Variants in TMEM164 observed in about 807,000 individuals in gnomAD.
TMEM164 encodes RP13-360B22.2.
Under a neutral mutation model 18.8 loss-of-function variants are expected in TMEM164, and 4 were observed. The observed-to-expected ratio is 0.21, with a 90% CI of 0.10 to 0.49. The LOEUF (loss-of-function observed/expected upper bound fraction) is 0.49, where lower values mean the gene tolerates loss of function less well. Ranked by LOEUF, TMEM164 falls within the 20% of genes least tolerant of loss-of-function variation. The probability of loss-of-function intolerance (pLI) is 0.98; values close to 1 mark genes in which losing one functional copy is unlikely to be tolerated. For synonymous variants in TMEM164, 86 were observed against 101.7 expected (o/e 0.85, Z 0.93); for missense variants, 108 against 239.9 (o/e 0.45, Z 3.63).
Position 110,159,101 on chromosome X carries a change from A to G in TMEM164, c.587-12319A>G, listed in dbSNP as rs542112611. On this transcript the variant is annotated intron_variant, in intron 5 of 6. Transcript: ENST00000372068. ...TGGCCCTGCCTACTAATCTAATAAAATGTGGTTTGAGCAGTTTTTTAGGTT... is the reference window on the plus strand; with the variant it reads ...TGGCCCTGCCTACTAATCTAATAAAGTGTGGTTTGAGCAGTTTTTTAGGTT... Among the ~76,000 whole-genome samples, 6 of 111,933 alleles carry G rather than the reference A, an allele frequency of 5.4e-5. No homozygotes were observed. The South Asian group carries it at 1.1e-3, about 21-fold the overall frequency.
At position 110,173,465 on chromosome X, in the gene TMEM164, T is replaced by G; in HGVS notation, c.*14T>G. The G allele has an allele frequency of 8.4e-7, 1 of 1,191,152 alleles. No individual in the cohort carries two copies. The highest frequency in any genetic ancestry group is 1.1e-6 in the Non-Finnish European group (1 of 886,765). ...AAAATAGACTGAAGGTGCTTATTTTTTTTTTTTTTCCTCCCTGAGGAAGCA... is the reference window on the plus strand; with the variant it reads ...AAAATAGACTGAAGGTGCTTATTTTGTTTTTTTTTCCTCCCTGAGGAAGCA... On this transcript the variant is annotated 3_prime_UTR_variant, in exon 7 of 7. Coordinates refer to ENST00000372068, the MANE Select transcript of TMEM164 (RefSeq NM_032227.4).
rs2066673838 is a variant in TMEM164, at chrX:110,135,269, T to G, written c.508-9529T>G. Among the ~76,000 whole-genome samples, 12 of 110,658 alleles carry G rather than the reference T, an allele frequency of 1.1e-4. No homozygotes were observed. The Admixed American group carries it at 1.2e-3, about 11-fold the overall frequency. On this transcript the variant is annotated intron_variant, in intron 4 of 6. Coordinates refer to ENST00000372068, the MANE Select transcript of TMEM164 (RefSeq NM_032227.4). ...AAAAAGGATCATGCCTTATACAATA[T>G]AGACTTGCTCTATTTTACCTAGAAA...
intron 4 of TMEM164, among the ~76,000 whole-genome samples, chrX:110,144,221 C>T: frequency 8.9e-6 from 1 of 111,803 alleles, no homozygotes; most frequent in Middle Eastern, 4.6e-3. Flanking sequence ...CCTATGAGAC[C>T]TAGCAATCAT....
intron 4 of TMEM164, among the ~76,000 whole-genome samples, chrX:110,113,092 G>A (rs953949073): frequency 1.8e-4 from 20 of 111,171 alleles, no homozygotes; most frequent in African/African-American, 5.9e-4. Flanking sequence ...CAGATGTGCT[G>A]GTGTATCTGT....
rs56176099 is a variant in TMEM164, at chrX:110,014,370, A to G, written c.390+10206A>G. Among the ~76,000 whole-genome samples, 635 of 111,864 alleles carry G rather than the reference A, an allele frequency of 5.7e-3. 2 individuals are homozygous for G. Among genetic ancestry groups the G allele is most frequent in the South Asian group, 0.019 (51 of 2,704 alleles). On this transcript the variant is annotated intron_variant, in intron 2 of 6. Transcript: ENST00000372068. ...GTTCCATGAAGTTAGCACCCATGTA[A>G]TAATTTCTGCGGGACAGGGTTGTTT... is the stretch of plus-strand genomic sequence containing the variant.
chrX:110,179,442 A>C (rs751744548), downstream of TMEM164, among the ~76,000 whole-genome samples: 6 of 112,092 alleles, frequency 5.4e-5, no homozygotes, highest in African/African-American at 1.9e-4. Flanking sequence ...AGCATCTTCA[A>C]CTACATCTCC....
intron 3 of TMEM164, among the ~76,000 whole-genome samples, chrX:110,087,130 G>A (rs2065865184): frequency 8.9e-6 from 1 of 111,902 alleles, no homozygotes; most frequent in Non-Finnish European, 1.9e-5. Flanking sequence ...GATGCTTCTG[G>A]TAGTTGATCT....
At chrX:110,051,414 A>T (rs1373782497) in intron 2 of TMEM164, among the ~76,000 whole-genome samples, 1 of 110,860 alleles carries the variant, frequency 9.0e-6, no homozygotes, top group Admixed American at 9.7e-5. Context: ...GCAAAGCCAA[A>T]CAACTTGGTT....
At chrX:110,045,759 A>G (rs890508140) in intron 2 of TMEM164, among the ~76,000 whole-genome samples, 13 of 112,227 alleles carry the variant, frequency 1.2e-4, no homozygotes, top group Non-Finnish European at 1.1e-4. Flanking sequence ...TGGAGCAGTC[A>G]TGACAGTTCA....
At chrX:110,038,121 G>A (rs1454636907) in intron 2 of TMEM164, among the ~76,000 whole-genome samples, 3 of 106,081 alleles carry the variant, frequency 2.8e-5, no homozygotes, top group African/African-American at 1.0e-4. Flanking sequence ...CTCCCAAGTA[G>A]CTGGGACTAC....
At chrX:110,108,341 T>C (rs1188562809) in intron 3 of TMEM164, among the ~76,000 whole-genome samples, 1 of 111,296 alleles carries the variant, frequency 9.0e-6, no homozygotes, top group Non-Finnish European at 1.9e-5. Flanking sequence ...GGTTTGTTCC[T>C]GAGTTAATTG....
At chrX:110,147,477 C>G (rs2066874056) in intron 5 of TMEM164, among the ~76,000 whole-genome samples, 1 of 111,693 alleles carries the variant, frequency 9.0e-6, no homozygotes, top group African/African-American at 3.3e-5. Context: ...TGTCTCTTGC[C>G]TACAGCTTCC....
rs184658523 is a variant in TMEM164 at position 110,108,215 on chromosome X, G to A, written c.441-865G>A. The stretch of plus-strand genomic sequence containing the variant: ...GTTGTCCATGACCCATCAAATCAAC[G>A]TTTCTTCAAGAGGAACAGACTGTCA... On this transcript the variant is annotated intron_variant, in intron 3 of 6. Coordinates refer to ENST00000372068, the MANE Select transcript of TMEM164 (RefSeq NM_032227.4). Among the ~76,000 whole-genome samples, 86 of 107,812 alleles carry A rather than the reference G, an allele frequency of 8.0e-4. No individual in the cohort carries two copies. The East Asian group carries it at 0.016, about 20-fold the overall frequency. The allele number at this position is 107,812 out of a possible 115,157, so 93.6% of individuals were successfully genotyped here.
intron 2 of TMEM164, among the ~76,000 whole-genome samples, chrX:110,037,327 AGT>A (rs1408127363): frequency 9.0e-6 from 1 of 111,352 alleles, no homozygotes; most frequent in Non-Finnish European, 1.9e-5. Flanking sequence ...GTGATAGATG[AGT>A]GTGGTGTTGC....
chrX:110,144,794 A>G lies in TMEM164; in HGVS notation c.508-4A>G. Reference sequence around the variant, plus strand: ...AAACACTTCTCTCCCTCCTATCCTCACAGCTCCCCTTTGAATTGGAGATTT... The same window carrying G: ...AAACACTTCTCTCCCTCCTATCCTCGCAGCTCCCCTTTGAATTGGAGATTT... On this transcript the variant is annotated splice_polypyrimidine_tract_variant and splice_region_variant and intron_variant, in intron 4 of 6. Coordinates refer to ENST00000372068, the MANE Select transcript of TMEM164 (RefSeq NM_032227.4). 1 of 1,201,794 alleles carries G rather than the reference A, an allele frequency of 8.3e-7. No homozygotes were observed. Among genetic ancestry groups the G allele is most frequent in the Non-Finnish European group, 1.1e-6 (1 of 887,891 alleles).
intron 4 of TMEM164, among the ~76,000 whole-genome samples, chrX:110,124,654 G>A (rs111310914): frequency 0.012 from 1,368 of 111,877 alleles, 15 homozygotes; most frequent in Non-Finnish European, 0.02. Context: ...CTATGATGTA[G>A]TGGATAAGAA....
chrX:110,116,051 A>C (rs1018431422), intron 4 of TMEM164, among the ~76,000 whole-genome samples: 25 of 112,019 alleles, frequency 2.2e-4, no homozygotes, highest in Non-Finnish European at 3.9e-4. Context: ...TATGGCCAAC[A>C]CTACTGCACT....
chrX:110,084,377 AGTGTATATATATATAG>A (rs2065808336), intron 3 of TMEM164, among the ~76,000 whole-genome samples: 1 of 19,184 alleles, frequency 5.2e-5, no homozygotes, highest in Admixed American at 1.1e-3. Flanking sequence ...GTATATATAT[AGTGTATATATATATAG>A]TATAGTATAT....
chrX:110,016,188 G>A (rs769046245), intron 2 of TMEM164, among the ~76,000 whole-genome samples: 3 of 112,963 alleles, frequency 2.7e-5, no homozygotes, highest in African/African-American at 9.6e-5. Flanking sequence ...CCTGCTTTGG[G>A]TCTGTCCTGA....
Sources: gnomAD v4.1 joint callset for allele counts (sites outside exome capture counted in the v4.1 genomes callset) on GRCh38, gnomAD v4.1.1 for gene constraint, MANE v1.5 for transcripts, NCBI Gene and HGNC (gene_info 2026-07-23, HGNC 2026-07-21) for gene names.